DIAPH3: variants seen among roughly 807,000 people sequenced by gnomAD.
The protein encoded by DIAPH3 is diaphanous related formin 3, also known as protein diaphanous homolog 3.
In DIAPH3, 117 loss-of-function variants were observed where a neutral mutation model predicts 144.3. The ratio of observed to expected loss-of-function variants is 0.81; its 90% confidence interval spans 0.70 to 0.95. The LOEUF is 0.95. Among genes scored for constraint, DIAPH3 ranks in the 40% least tolerant of loss-of-function variants. The pLI is 0.00. For missense variants in DIAPH3, 1,421 were observed against 1,412.7 expected (o/e 1.01, Z -0.09); for synonymous variants, 519 against 488.9 (o/e 1.06, Z -0.81).
At chr13:59,778,908 C>A (rs2038571680) in intron 25 of DIAPH3, among the ~76,000 whole-genome samples, 1 of 152,170 alleles carries the variant, frequency 6.6e-6, no homozygotes, top group Non-Finnish European at 1.5e-5. Context: ...AAAGTTCCAA[C>A]TCTTTTTTTC....
At position 60,032,461 on chromosome 13, in the gene DIAPH3, C is replaced by A. The variant is rs546288619; in HGVS notation, c.626+10229G>T. The stretch of plus-strand genomic sequence containing the variant: ...AGGCGGAGGCTACCAAACCTCAACT[C>A]TTGCATTCTGTGCACCCACAGGCTT... On this transcript the variant is annotated intron_variant, in intron 5 of 27. Coordinates refer to ENST00000400324, the MANE Select transcript of DIAPH3 (RefSeq NM_001042517.2). Among the ~76,000 whole-genome samples, 5 of 152,352 alleles carry A rather than the reference C, an allele frequency of 3.3e-5. No homozygotes were observed. In the East Asian group the frequency reaches 9.7e-4, roughly 29 times the overall value.
In DIAPH3 at chr13:60,038,802, G is replaced by A. The variant is rs144735834; in HGVS notation, c.626+3888C>T. ...AAAAAATCTTACCCTTGACAGGCAC[G>A]TCAAATTAAGAAAATAAAGATACCT... On this transcript the variant is annotated intron_variant, in intron 5 of 27. Coordinates refer to ENST00000400324, the MANE Select transcript of DIAPH3 (RefSeq NM_001042517.2). Among the ~76,000 whole-genome samples, 608 of 152,052 alleles carry A rather than the reference G, an allele frequency of 4.0e-3. 5 individuals carry two copies. The highest frequency in any genetic ancestry group is 0.014 in the African/African-American group (579 of 41,508).
At chr13:59,703,542 C>A (rs1475587602) in intron 27 of DIAPH3, among the ~76,000 whole-genome samples, 1 of 152,184 alleles carries the variant, frequency 6.6e-6, no homozygotes, top group Non-Finnish European at 1.5e-5. Context: ...TTTTATCCAG[C>A]ACTAAATTCT....
chr13:59,719,820 C>G (rs909336094), intron 27 of DIAPH3, among the ~76,000 whole-genome samples: 1 of 152,116 alleles, frequency 6.6e-6, no homozygotes, highest in African/African-American at 2.4e-5. Flanking sequence ...AGCATTAAGA[C>G]AGAGGGAACC....
intron 17 of DIAPH3, among the ~76,000 whole-genome samples, 172 bp downstream of exon 17, chr13:59,969,772 A>G (rs2050251999): frequency 6.6e-6 from 1 of 152,222 alleles, no homozygotes; most frequent in Non-Finnish European, 1.5e-5. Context: ...TTTTTAAAAC[A>G]GAATTTACTT....
chr13:59,846,859 T>C (rs2042665204), intron 22 of DIAPH3, among the ~76,000 whole-genome samples: 3 of 152,154 alleles, frequency 2.0e-5, no homozygotes, highest in Non-Finnish European at 4.4e-5. Flanking sequence ...GAGGATCACT[T>C]GAGGCCAGGG....
Position 59,916,249 on chromosome 13 carries a change from G to C in DIAPH3, c.2171C>G (p.Ser724Ter). The C allele has an allele frequency of 6.2e-7, 1 of 1,611,328 alleles. No individual in the cohort carries two copies. The highest frequency in any genetic ancestry group is 1.3e-5 in the African/African-American group (1 of 74,958). ...FLDSKIAQNL[S>*]IFLSSFRVPY... The stretch of plus-strand genomic sequence containing the variant: ...CACCCGAAAAGAGCTCAGGAAGATT[G>C]CTAAGAAGGAGAAAGAGAGAAAGGT... The change falls in exon 19 of 28, where the codon TCA (serine) becomes TGA (stop). Residue 724 changes from serine (S) to a stop codon, truncating the protein, a stop_gained and splice_region_variant. Coordinates refer to ENST00000400324, the MANE Select transcript of DIAPH3 (RefSeq NM_001042517.2). LOFTEE classifies it high-confidence loss of function.
chr13:60,143,562 C>T (rs1330908146), intron 1 of DIAPH3, among the ~76,000 whole-genome samples: 1 of 152,192 alleles, frequency 6.6e-6, no homozygotes, highest in Non-Finnish European at 1.5e-5. Flanking sequence ...ATAGGCATCA[C>T]CTGGGTTCAG....
intron 25 of DIAPH3, among the ~76,000 whole-genome samples, chr13:59,802,888 G>T (rs1329919386): frequency 6.7e-6 from 1 of 150,252 alleles, no homozygotes; most frequent in African/African-American, 2.4e-5. Context: ...GTTTCACCTT[G>T]TTAGCCAGGA....
intron 9 of DIAPH3, among the ~76,000 whole-genome samples, chr13:60,003,623 G>A (rs1157802855): frequency 6.6e-6 from 1 of 151,764 alleles, no homozygotes; most frequent in Admixed American, 6.6e-5. Flanking sequence ...AGCCAGGCTG[G>A]AGTGCAGTGG....
intron 25 of DIAPH3, among the ~76,000 whole-genome samples, chr13:59,797,386 A>G (rs2039669093): frequency 6.6e-6 from 1 of 152,236 alleles, no homozygotes; most frequent in African/African-American, 2.4e-5. Context: ...GAAAGTTTTG[A>G]TAGAAATACT....
At chr13:59,878,397 A>G (rs764843095) in intron 21 of DIAPH3, among the ~76,000 whole-genome samples, 23 of 152,172 alleles carry the variant, frequency 1.5e-4, no homozygotes, top group Non-Finnish European at 2.9e-4. Context: ...CAGTAAACCT[A>G]TAGGTAAAGC....
chr13:59,939,544 T>C (rs1265677046), intron 17 of DIAPH3, among the ~76,000 whole-genome samples: 1 of 152,164 alleles, frequency 6.6e-6, no homozygotes, highest in East Asian at 1.9e-4. Context: ...TCTTGTTCTT[T>C]GTCGCATAAA....
intron 9 of DIAPH3, among the ~76,000 whole-genome samples, chr13:59,997,851 C>G (rs760456037): frequency 6.6e-6 from 1 of 152,006 alleles, no homozygotes; most frequent in Non-Finnish European, 1.5e-5. Context: ...AATCGTGGCT[C>G]TACAATGCAA....
intron 9 of DIAPH3, among the ~76,000 whole-genome samples, chr13:59,997,409 A>G (rs1429248309): frequency 6.6e-6 from 1 of 152,082 alleles, no homozygotes; most frequent in Non-Finnish European, 1.5e-5. Context: ...AGTATTCCAC[A>G]GTGAATATGT....
chr13:59,854,510 T>G (rs1035341269), intron 22 of DIAPH3, among the ~76,000 whole-genome samples: 8 of 152,184 alleles, frequency 5.3e-5, no homozygotes, highest in Non-Finnish European at 1.2e-4. Flanking sequence ...CCAACAAGAT[T>G]CATAAGATTG....
chr13:59,806,453 C>A (rs866720871), intron 25 of DIAPH3, among the ~76,000 whole-genome samples: 1 of 152,062 alleles, frequency 6.6e-6, no homozygotes, highest in Middle Eastern at 3.4e-3. Flanking sequence ...ATAAATCTTA[C>A]CAACTTCTGA....
intron 20 of DIAPH3, among the ~76,000 whole-genome samples, chr13:59,901,268 T>C (rs2046413019): frequency 6.6e-6 from 1 of 152,242 alleles, no homozygotes; most frequent in African/African-American, 2.4e-5. Context: ...AGGCCATGCA[T>C]GATCAAGGCC....
At chr13:59,694,187 A>G (rs1453726217) in intron 27 of DIAPH3, among the ~76,000 whole-genome samples, 1 of 152,180 alleles carries the variant, frequency 6.6e-6, no homozygotes, top group African/African-American at 2.4e-5. Context: ...GACTTAGTCA[A>G]GGTAAAATGA....
Sources: allele counts gnomAD v4.1 joint callset (sites outside exome capture counted in the v4.1 genomes callset), GRCh38; gene constraint gnomAD v4.1.1; transcripts MANE v1.5; gene names NCBI Gene and HGNC (gene_info 2026-07-23, HGNC 2026-07-21).